Variants in PCDHA5 observed in about 807,000 individuals in gnomAD.
PCDHA5 encodes protocadherin alpha 5, also known as protocadherin alpha-5.
PCDHA5 carries 43 observed loss-of-function variants against 61.6 expected under a neutral mutation model. The observed-to-expected ratio is 0.70, with a 90% CI of 0.55 to 0.90. The LOEUF is 0.90. Among genes scored for constraint, PCDHA5 ranks in the 40% least tolerant of loss-of-function variants. The pLI, the probability that PCDHA5 is intolerant of heterozygous loss-of-function variation, is 0.00. For missense variants in PCDHA5, 1,298 were observed against 1,222.7 expected (o/e 1.06, Z -0.92); for synonymous variants, 627 against 543.9 (o/e 1.15, Z -2.13).
intron 1 of PCDHA5, among the ~76,000 whole-genome samples, chr5:140,969,939 G>A (rs188120855): frequency 4.6e-5 from 7 of 152,340 alleles, no homozygotes; most frequent in Admixed American, 2.6e-4. Context: ...ACATCATACT[G>A]AAGCTAAAGT....
chr5:140,930,231 A>G (rs1234850185), intron 1 of PCDHA5: 3 of 152,238 alleles, frequency 2.0e-5, no homozygotes, highest in Non-Finnish European at 4.4e-5. Context: ...TGCACTTACC[A>G]TCCAAAGTCC....
In PCDHA5 at chr5:140,968,374, C is replaced by T. The variant is rs782537254; in HGVS notation, c.2353-10575C>T. On this transcript the variant is annotated intron_variant, in intron 1 of 3. Coordinates refer to ENST00000529859, the MANE Select transcript of PCDHA5 (RefSeq NM_018908.3). ...GTGGCAGCCTTTATGCTGTCAACTC[C>T]TTTGACTATGAGAAGTTTCGGGAGT... is the stretch of plus-strand genomic sequence containing the variant. 5.0e-6 allele frequency: 8 copies of T among 1,614,064 alleles called. No homozygotes were observed. The Admixed American group carries it at 1.0e-4, about 20-fold the overall frequency.
At chr5:140,932,028 G>T (rs1299372751) in intron 1 of PCDHA5, among the ~76,000 whole-genome samples, 1 of 151,864 alleles carries the variant, frequency 6.6e-6, no homozygotes, top group African/African-American at 2.4e-5. Context: ...TAAGTTTACA[G>T]TATATATTAA....
At chr5:140,870,293 T>C in intron 1 of PCDHA5, 1 of 1,614,182 alleles carries the variant, frequency 6.2e-7, no homozygotes, top group Non-Finnish European at 8.5e-7. Context: ...TTCAAGCTGG[T>C]GTCCACCTTC....
intron 1 of PCDHA5, chr5:140,877,083 G>T: frequency 6.2e-7 from 1 of 1,613,166 alleles, no homozygotes; most frequent in Non-Finnish European, 8.5e-7. Context: ...AGGTGAGCGC[G>T]CGCGACGCCG....
chr5:140,876,250 A>T, intron 1 of PCDHA5: 1 of 1,614,046 alleles, frequency 6.2e-7, no homozygotes, highest in South Asian at 1.1e-5. Flanking sequence ...AAACGACACA[A>T]GAGTGATCCA....
intron 1 of PCDHA5, chr5:140,883,398 G>C: frequency 6.2e-7 from 1 of 1,614,166 alleles, no homozygotes; most frequent in Non-Finnish European, 8.5e-7. Context: ...GTGTCCGATC[G>C]TGACTCTGGC....
intron 1 of PCDHA5, among the ~76,000 whole-genome samples, chr5:140,931,209 A>G (rs1554208285): frequency 6.6e-6 from 1 of 152,184 alleles, no homozygotes; most frequent in African/African-American, 2.4e-5. Flanking sequence ...CTAGTATTTC[A>G]GGTATCAGAG....
chr5:140,907,364 C>T (rs1042794275), intron 1 of PCDHA5, among the ~76,000 whole-genome samples: 5 of 152,122 alleles, frequency 3.3e-5, no homozygotes, highest in East Asian at 1.9e-4. Context: ...CTTCTTTAGT[C>T]GTAAAGTGAG....
At chr5:140,967,219 C>A (rs782211026) in intron 1 of PCDHA5, 2 of 1,613,772 alleles carry the variant, frequency 1.2e-6, no homozygotes, top group East Asian at 2.2e-5. Context: ...TCCCGCGGCC[C>A]AACTACCAGC....
intron 1 of PCDHA5, among the ~76,000 whole-genome samples, chr5:140,962,051 T>G (rs1352018533): frequency 6.6e-6 from 1 of 151,838 alleles, no homozygotes; most frequent in East Asian, 1.9e-4. Context: ...GCCTGGCTAA[T>G]TTTTTTGTAT....
chr5:140,976,303 C>A (rs1458121600), intron 1 of PCDHA5, among the ~76,000 whole-genome samples: 10 of 152,090 alleles, frequency 6.6e-5, no homozygotes, highest in Non-Finnish European at 1.3e-4. Flanking sequence ...GTAATCCCAG[C>A]ACTTTGGGAG....
rs191365735 is a variant in PCDHA5 at position 140,910,066 on chromosome 5, C to T, written c.2353-68883C>T. Among the ~76,000 whole-genome samples the T allele has an allele frequency of 7.2e-5, 11 of 152,234 alleles. No individual in the cohort carries two copies. In the East Asian group the frequency reaches 1.5e-3, roughly 21 times the overall value. On this transcript the variant is annotated intron_variant, in intron 1 of 3. Coordinates refer to ENST00000529859, the MANE Select transcript of PCDHA5 (RefSeq NM_018908.3). ...GTCATAATAAGTGATCTTTTAACAG[C>T]GTAAATTGTTGTCAAGGGGAACCAG...
At chr5:140,871,313 C>T (rs371295919) in intron 1 of PCDHA5, 2 of 1,614,042 alleles carry the variant, frequency 1.2e-6, no homozygotes, top group Non-Finnish European at 1.7e-6. Flanking sequence ...GGGAAGCCCA[C>T]GCTGGTGTGC....
At chr5:140,856,784 T>A in intron 1 of PCDHA5, 1 of 1,596,522 alleles carries the variant, frequency 6.3e-7, no homozygotes. Flanking sequence ...CAGACCGGTT[T>A]ATGAAGTTAA....
At chr5:140,961,690 C>T (rs573918307) in intron 1 of PCDHA5, among the ~76,000 whole-genome samples, 2 of 152,154 alleles carry the variant, frequency 1.3e-5, no homozygotes, top group African/African-American at 4.8e-5. Context: ...CGGAGTAGTC[C>T]TTAGTATGAA....
At chr5:140,840,108 A>T (rs2150169191) in intron 1 of PCDHA5, among the ~76,000 whole-genome samples, 1 of 152,186 alleles carries the variant, frequency 6.6e-6, no homozygotes, top group Admixed American at 6.5e-5. Flanking sequence ...AGTGAAATCG[A>T]GTGAAAGCTG....
chr5:140,849,576 G>A (rs2150441030), intron 1 of PCDHA5: 3 of 1,598,698 alleles, frequency 1.9e-6, no homozygotes, highest in Non-Finnish European at 2.6e-6. Flanking sequence ...TCCTGTAAAA[G>A]AGGACGCACA....
intron 1 of PCDHA5, among the ~76,000 whole-genome samples, chr5:140,906,069 T>C (rs2072342341): frequency 6.6e-6 from 1 of 152,204 alleles, no homozygotes; most frequent in African/African-American, 2.4e-5. Flanking sequence ...GCTGATTAGA[T>C]CGCACCCACC....
Sources: allele counts gnomAD v4.1 joint callset (sites outside exome capture counted in the v4.1 genomes callset), GRCh38; gene constraint gnomAD v4.1.1; transcripts MANE v1.5; gene names NCBI Gene and HGNC (gene_info 2026-07-23, HGNC 2026-07-21).